The following PLCE1 variants were observed in gnomAD, a reference collection of about 807,000 sequenced individuals.
The protein encoded by PLCE1 is phospholipase C epsilon 1.
PLCE1 carries 119 observed loss-of-function variants against 242.8 expected under a neutral mutation model. The ratio of observed to expected loss-of-function variants is 0.49; its 90% CI spans 0.42 to 0.57. PLCE1 has a LOEUF of 0.57. PLCE1 is among the 20% of genes least tolerant of loss of function. The probability of loss-of-function intolerance (pLI) is 0.00; values close to 1 mark genes in which losing one functional copy is unlikely to be tolerated. For missense variants in PLCE1, 2,441 were observed against 2,788.8 expected, an observed-to-expected ratio of 0.88 and a Z score of 2.81; for synonymous variants, 945 against 1,017.4, an observed-to-expected ratio of 0.93 and a Z score of 1.35.
At chr10:94,073,043 C>A (rs1020551470) in intron 2 of PLCE1, among the ~76,000 whole-genome samples, 1 of 152,072 alleles carries the variant, frequency 6.6e-6, no homozygotes, top group Non-Finnish European at 1.5e-5. Context: ...CTCTGCCCCC[C>A]ACTTCCTACC....
intron 2 of PLCE1, among the ~76,000 whole-genome samples, chr10:94,123,704 A>G (rs943908832): frequency 3.3e-5 from 5 of 152,214 alleles, no homozygotes; most frequent in Admixed American, 2.0e-4. Flanking sequence ...AACTTCTAGT[A>G]TCTTCAACCT....
intron 22 of PLCE1, among the ~76,000 whole-genome samples, chr10:94,289,265 C>T (rs1320931907): frequency 6.6e-6 from 1 of 152,098 alleles, no homozygotes; most frequent in East Asian, 1.9e-4. Context: ...AGGCAAGGCA[C>T]TCAGGAAGGA....
Position 94,304,559 on chromosome 10 carries a change from T to C in PLCE1, c.5536T>C (p.Trp1846Arg), listed in dbSNP as rs746926247. 1 of 1,613,666 alleles carries C rather than the reference T, an allele frequency of 6.2e-7. No individual in the cohort carries two copies. The highest frequency in any genetic ancestry group is 2.2e-5 in the East Asian group (1 of 44,878). The change falls in exon 25 of 33, where the codon TGG (tryptophan) becomes CGG (arginine). Residue 1846 changes from tryptophan to arginine, a missense_variant. This residue lies in a region of PLCE1 where 1,004 missense variants were observed against 1,322.7 expected (regional missense o/e 0.76). Coordinates refer to ENST00000371380, the MANE Select transcript of PLCE1 (RefSeq NM_016341.4). ...TTATGTATTGAAACCTCCAGTTCTG[T>C]GGGACAAGAACTGCCCCATGTATCA... Reference protein sequence around the residue: ...CGYVLKPPVLWDKNCPMYQKF... With the variant: ...CGYVLKPPVLRDKNCPMYQKF...
intron 2 of PLCE1, among the ~76,000 whole-genome samples, chr10:94,078,493 AT>A (rs111933840): frequency 8.5e-4 from 123 of 144,896 alleles, no homozygotes; most frequent in Admixed American, 8.2e-4. Flanking sequence ...CTTTTTGCTC[AT>A]TTTTTTTTTT....
At position 94,171,252 on chromosome 10, in the gene PLCE1, T is replaced by C; in HGVS notation, c.1565T>C (p.Leu522Pro). Residue 522 changes from leucine (L) to proline (P), a missense_variant, in exon 4 of 33, where the codon CTG (leucine) becomes CCG (proline). Coordinates refer to ENST00000371380, the MANE Select transcript of PLCE1 (RefSeq NM_016341.4). ...PSSSAGISKE[L>P]IDLQPLIQFP... is the part of the protein sequence containing the mutation. ...AGTTCAGCTGGGATCAGCAAGGAGC[T>C]GATCGATCTGCAGCCTCTCATCCAG... The C allele has an allele frequency of 6.2e-7, 1 of 1,614,200 alleles. No individual in the cohort carries two copies. Among genetic ancestry groups the C allele is most frequent in the Non-Finnish European group, 8.5e-7 (1 of 1,180,010 alleles).
At chr10:94,067,980 C>A (rs1399155414) in intron 2 of PLCE1, among the ~76,000 whole-genome samples, 2 of 152,146 alleles carry the variant, frequency 1.3e-5, no homozygotes, top group African/African-American at 2.4e-5. Context: ...AAGATAGGGG[C>A]TGAACCCCCA....
At chr10:94,180,947 T>C (rs958811139) in intron 4 of PLCE1, among the ~76,000 whole-genome samples, 1 of 152,194 alleles carries the variant, frequency 6.6e-6, no homozygotes, top group African/African-American at 2.4e-5. Context: ...CTTTATACAT[T>C]ACACAGTGGT....
chr10:94,032,154 G>A lies in PLCE1; in HGVS notation c.1108G>A (p.Gly370Ser). The change falls in exon 2 of 33, where the codon GGT becomes AGT. Residue 370 changes from glycine to serine, a missense_variant. Gly to Ser is a moderately conservative substitution (Grantham distance 56). Transcript: ENST00000371380. ...AWSYIDQKRN[G>S]PLLPCGRVME... ...GAGTTACATAGATCAGAAGAGAAAT[G>A]GTCCCTTACTGCCTTGTGGGAGAGT... is the stretch of plus-strand genomic sequence containing the variant. The A allele has an allele frequency of 6.2e-7, 1 of 1,609,330 alleles. No homozygotes were observed. The highest frequency in any genetic ancestry group is 8.5e-7 in the Non-Finnish European group (1 of 1,178,748).
At chr10:94,297,346 A>T (rs1316068934) in intron 23 of PLCE1, among the ~76,000 whole-genome samples, 1 of 152,142 alleles carries the variant, frequency 6.6e-6, no homozygotes, top group African/African-American at 2.4e-5. Context: ...CAGAGCACGC[A>T]CATTTGTCAA....
At chr10:94,283,451 G>T in intron 20 of PLCE1, 1 of 307,784 alleles carries the variant, frequency 3.2e-6, no homozygotes, top group South Asian at 3.0e-5. Context: ...TCTTGACACG[G>T]GGTATCTTCC....
intron 18 of PLCE1, among the ~76,000 whole-genome samples, chr10:94,272,872 T>G (rs2051798196): frequency 6.6e-6 from 1 of 152,110 alleles, no homozygotes; most frequent in African/African-American, 2.4e-5. Context: ...TTTCATATTG[T>G]CCTGGCCTAA....
At chr10:94,181,717 A>T (rs1351688259) in intron 4 of PLCE1, among the ~76,000 whole-genome samples, 1 of 152,182 alleles carries the variant, frequency 6.6e-6, no homozygotes, top group Non-Finnish European at 1.5e-5. Flanking sequence ...AAGACAAACC[A>T]GAAGTTCAAG....
At position 94,232,703 on chromosome 10, in the gene PLCE1, G is replaced by A. The variant is rs1010535214; in HGVS notation, c.1956-1351G>A. Among the ~76,000 whole-genome samples, 6 of 152,020 alleles carry A rather than the reference G, an allele frequency of 3.9e-5. No individual in the cohort carries two copies. In the South Asian group the frequency reaches 6.2e-4, roughly 16 times the overall value. ...CTCACAGGCCCTTTCTGCTAGGGTC[G>A]CCTCATTTGGCAGGCAGACCCTTCA... is the stretch of plus-strand genomic sequence containing the variant. On this transcript the variant is annotated intron_variant, in intron 5 of 32. Transcript: ENST00000371380.
intron 2 of PLCE1, chr10:94,107,538 G>A (rs769621750): frequency 2.0e-5 from 3 of 152,188 alleles, no homozygotes; most frequent in Non-Finnish European, 2.9e-5. Flanking sequence ...GAGAAAGGTA[G>A]TAAGTAGTAC....
chr10:94,004,666 TG>T (rs1321989521), intron 1 of PLCE1, among the ~76,000 whole-genome samples: 1 of 152,222 alleles, frequency 6.6e-6, no homozygotes, highest in Admixed American at 6.5e-5. Flanking sequence ...GTCTCCTTTT[TG>T]CCCACAATTT....
At chr10:94,308,751 G>A in intron 27 of PLCE1, 52 bp downstream of exon 27, 1 of 1,244,474 alleles carries the variant, frequency 8.0e-7, no homozygotes, top group Non-Finnish European at 1.2e-6. Flanking sequence ...CTACACTGAA[G>A]GTGGGCTTTT....
intron 2 of PLCE1, among the ~76,000 whole-genome samples, chr10:94,098,933 C>T (rs561855745): frequency 1.3e-5 from 2 of 152,292 alleles, no homozygotes; most frequent in African/African-American, 4.8e-5. Context: ...ATTTTCTTTA[C>T]TAGAGGTATA....
At chr10:94,243,726 C>T (rs2050586095) in intron 7 of PLCE1, among the ~76,000 whole-genome samples, 1 of 152,166 alleles carries the variant, frequency 6.6e-6, no homozygotes, top group African/African-American at 2.4e-5. Flanking sequence ...TTACCAGCCT[C>T]CCCCTAGAGA....
chr10:94,270,387 C>A, intron 17 of PLCE1, 99 bp from the exon 18 acceptor site: 1 of 826,120 alleles, frequency 1.2e-6, no homozygotes, highest in Non-Finnish European at 2.1e-6. Flanking sequence ...GAGTCTGCTG[C>A]ATGTAACAAT....
Sources: allele counts gnomAD v4.1 joint callset (sites outside exome capture counted in the v4.1 genomes callset), GRCh38; gene constraint gnomAD v4.1.1; regional missense constraint gnomAD v4.1.1; transcripts MANE v1.5; gene names NCBI Gene and HGNC (gene_info 2026-07-23, HGNC 2026-07-21).